The following SNX14 variants were observed in gnomAD, a reference collection of about 807,000 sequenced individuals.
SNX14 encodes sorting nexin-14.
SNX14 carries 93 observed loss-of-function variants against 133.8 expected under a neutral mutation model. The observed-to-expected ratio is 0.70, with a 90% CI of 0.59 to 0.83. SNX14 has a LOEUF of 0.83. Among genes scored for constraint, SNX14 ranks in the 40% least tolerant of loss-of-function variants. SNX14 has a pLI of 0.00. For missense variants in SNX14, 945 were observed against 1,094.9 expected, an observed-to-expected ratio of 0.86 and a Z score of 1.93; for synonymous variants, 368 against 365.6, an observed-to-expected ratio of 1.01 and a Z score of -0.07.
intron 7 of SNX14, among the ~76,000 whole-genome samples, chr6:85,556,946 G>T (rs566850239): frequency 1.3e-3 from 192 of 152,100 alleles, no homozygotes; most frequent in Middle Eastern, 6.8e-3. Context: ...AATGCTTTTT[G>T]ATTAAAATAA....
chr6:85,581,281 A>G (rs1382611355), intron 1 of SNX14: 1 of 152,222 alleles, frequency 6.6e-6, no homozygotes, highest in African/African-American at 2.4e-5. Context: ...CAGCGTTACT[A>G]GGCTTGCAGT....
intron 23 of SNX14, among the ~76,000 whole-genome samples, chr6:85,515,879 G>A (rs569738843): frequency 2.0e-5 from 3 of 151,996 alleles, no homozygotes; most frequent in African/African-American, 7.2e-5. Context: ...TTATTTTTAA[G>A]CAGAAATCTA....
rs11427677 is a variant in SNX14, at chr6:85,592,825, TAA to T, written c.140+752_140+753del. 4.8e-3 allele frequency among the ~76,000 whole-genome samples: 624 copies of T among 130,616 alleles called. 2 individuals carry two copies. Among genetic ancestry groups the T allele is most frequent in the African/African-American group, 0.015 (517 of 35,060 alleles). The allele number at this position is 130,616 out of a possible 152,430, so 85.7% of individuals were successfully genotyped here. On this transcript the variant is annotated intron_variant, in intron 1 of 28. Coordinates refer to ENST00000314673, the MANE Select transcript of SNX14 (RefSeq NM_153816.6). ...TAAAACGGTGAAACCCCGTCTCTAC[TAA>T]AAAAAAAAAAAAAAAATACAAAAAA...
At chr6:85,539,002 A>G in intron 15 of SNX14, 138 bp from the exon 16 acceptor site, 5 of 570,376 alleles carry the variant, frequency 8.8e-6, no homozygotes, top group Non-Finnish European at 1.4e-5. Context: ...TCATTTTTGC[A>G]AAGGGAAGAA....
chr6:85,547,372 G>A lies in SNX14; in HGVS notation c.938C>T (p.Ser313Phe), dbSNP rs1047222098. The change falls in exon 11 of 29, where the codon TCT (serine) becomes TTT (phenylalanine). Residue 313 changes from serine (S) to phenylalanine (F), a missense_variant. Coordinates refer to ENST00000314673, the MANE Select transcript of SNX14 (RefSeq NM_153816.6). The stretch of plus-strand genomic sequence containing the variant: ...TTTCTGCAAGAATGGAACCAAAGGA[G>A]AAGCCGGTTCAGTTGCTTTTTCAGG... ...SPPEKATEPA[S>F]PLVPFLQKFA... 2.1e-5 allele frequency: 34 copies of A among 1,613,612 alleles called. No homozygotes were observed. Among genetic ancestry groups the A allele is most frequent in the African/African-American group, 2.7e-5 (2 of 74,920 alleles).
chr6:85,526,298 G>A (rs996040502), intron 20 of SNX14, 61 bp from the exon 21 acceptor site: 19 of 992,756 alleles, frequency 1.9e-5, no homozygotes, highest in East Asian at 2.8e-5. Flanking sequence ...AGTCAAAACT[G>A]TATTTTAATT....
rs544080765 is a variant in SNX14, at chr6:85,507,797, T to A, written c.2745+171A>T. 1.2e-3 allele frequency among the ~76,000 whole-genome samples: 189 copies of A among 152,284 alleles called. 1 individual carries two copies. Among genetic ancestry groups the A allele is most frequent in the African/African-American group, 4.2e-3 (175 of 41,554 alleles). ...ATAATTCATCTTATTTAGAAAAAAC[T>A]GAAACAAAAAGAGTAACTCAAATAA... On this transcript the variant is annotated intron_variant, in intron 27 of 28. Coordinates refer to ENST00000314673, the MANE Select transcript of SNX14 (RefSeq NM_153816.6).
At chr6:85,540,152 G>A (rs1783214715) in intron 15 of SNX14, among the ~76,000 whole-genome samples, 1 of 152,054 alleles carries the variant, frequency 6.6e-6, no homozygotes, top group African/African-American at 2.4e-5. Context: ...AGCAGAGACA[G>A]GGTTTCACCA....
At chr6:85,576,235 T>C (rs1342022226) in intron 1 of SNX14, among the ~76,000 whole-genome samples, 1 of 152,182 alleles carries the variant, frequency 6.6e-6, no homozygotes, top group Non-Finnish European at 1.5e-5. Context: ...AGGGATCTAA[T>C]AATTTGTAGA....
chr6:85,558,713 C>T (rs1002571298), intron 6 of SNX14, among the ~76,000 whole-genome samples: 1 of 152,104 alleles, frequency 6.6e-6, no homozygotes, highest in African/African-American at 2.4e-5. Context: ...ATCCACCCAC[C>T]TCAGCCTCCC....
At chr6:85,515,570 T>C (rs1562196901) in intron 23 of SNX14, among the ~76,000 whole-genome samples, 1 of 152,020 alleles carries the variant, frequency 6.6e-6, no homozygotes, top group Non-Finnish European at 1.5e-5. Flanking sequence ...ATATTCGATT[T>C]TACCTGAAGA....
chr6:85,579,396 G>C (rs1242608803), intron 1 of SNX14, among the ~76,000 whole-genome samples: 2 of 152,100 alleles, frequency 1.3e-5, no homozygotes, highest in Non-Finnish European at 1.5e-5. Context: ...CTCCCCACAG[G>C]AACACCAAAT....
rs758087402 is a variant in SNX14, at chr6:85,536,750, G to C, written c.1608+42C>G. 3.2e-6 allele frequency: 5 copies of C among 1,580,738 alleles called. No homozygotes were observed. In the South Asian group the frequency reaches 5.8e-5, roughly 18 times the overall value. ...ATATCTAATTTTTATGTCATAGTAAGTCTGAAGTTATAAATAAATCAAATT... is the reference window on the plus strand; with the variant it reads ...ATATCTAATTTTTATGTCATAGTAACTCTGAAGTTATAAATAAATCAAATT... On this transcript the variant is annotated intron_variant, in intron 17 of 28. Transcript: ENST00000314673.
At chr6:85,519,784 G>A (rs1195712900) in intron 21 of SNX14, among the ~76,000 whole-genome samples, 9 of 152,090 alleles carry the variant, frequency 5.9e-5, no homozygotes, top group Non-Finnish European at 1.2e-4. Context: ...CAGGAGAATC[G>A]CTTGAACCCG....
At chr6:85,574,974 T>G (rs1467819213) in intron 1 of SNX14, among the ~76,000 whole-genome samples, 1 of 152,002 alleles carries the variant, frequency 6.6e-6, no homozygotes, top group Non-Finnish European at 1.5e-5. Context: ...GAAAGCAATA[T>G]CTACAGAAAA....
chr6:85,555,367 G>A (rs899765015), intron 7 of SNX14, among the ~76,000 whole-genome samples: 15 of 152,228 alleles, frequency 9.9e-5, no homozygotes, highest in Middle Eastern at 3.4e-3. Flanking sequence ...AACAAAGTGC[G>A]GTATATCCGT....
chr6:85,513,535 T>C (rs1773695796), intron 26 of SNX14, among the ~76,000 whole-genome samples: 1 of 152,232 alleles, frequency 6.6e-6, no homozygotes. Context: ...ACATGTCACT[T>C]TGACCAGTCT....
At chr6:85,562,680 C>T (rs1487627865) in intron 6 of SNX14, among the ~76,000 whole-genome samples, 9 of 147,074 alleles carry the variant, frequency 6.1e-5, no homozygotes, top group Non-Finnish European at 1.2e-4. Context: ...ACTTCCACCG[C>T]CCAGGTTCAA....
chr6:85,525,130 T>G (rs1367761140), intron 21 of SNX14, among the ~76,000 whole-genome samples: 1 of 152,122 alleles, frequency 6.6e-6, no homozygotes, highest in African/African-American at 2.4e-5. Context: ...AAACATGATC[T>G]TCAGGAAATA....
Sources: allele counts gnomAD v4.1 joint callset (sites outside exome capture counted in the v4.1 genomes callset), GRCh38; gene constraint gnomAD v4.1.1; transcripts MANE v1.5; gene names NCBI Gene and HGNC (gene_info 2026-07-23, HGNC 2026-07-21).